PCDHGB5: variants seen among roughly 807,000 people sequenced by gnomAD.
PCDHGB5 encodes the protein protocadherin gamma-B5.
In PCDHGB5, 48 loss-of-function variants were observed where a neutral mutation model predicts 62.9. The observed-to-expected ratio is 0.76, with a 90% CI of 0.61 to 0.97. PCDHGB5 has a LOEUF of 0.97. PCDHGB5 is among the 50% of genes least tolerant of loss of function. PCDHGB5 has a pLI of 0.00. For synonymous variants in PCDHGB5, 474 were observed against 511.2 expected, an observed-to-expected ratio of 0.93 and a Z score of 0.98; for missense variants, 1,118 against 1,198.6, an observed-to-expected ratio of 0.93 and a Z score of 0.99.
intron 1 of PCDHGB5, chr5:141,409,494 C>G (rs755680835): frequency 6.2e-7 from 1 of 1,614,028 alleles, no homozygotes; most frequent in Non-Finnish European, 8.5e-7. Flanking sequence ...GGCAAGCCGC[C>G]TCTTTCTTCC....
intron 1 of PCDHGB5, chr5:141,404,243 C>A: frequency 6.2e-7 from 1 of 1,613,810 alleles, no homozygotes; most frequent in Non-Finnish European, 8.5e-7. Flanking sequence ...AGGAACTCCG[C>A]CCCTGTCCAC....
chr5:141,462,268 A>C (rs982301403), intron 1 of PCDHGB5, among the ~76,000 whole-genome samples: 3 of 152,196 alleles, frequency 2.0e-5, no homozygotes, highest in African/African-American at 7.2e-5. Flanking sequence ...CCTAAAGTGT[A>C]TTGTTTAGTC....
chr5:141,505,259 C>A, intron 2 of PCDHGB5, 134 bp from the exon 3 acceptor site: 1 of 1,500,262 alleles, frequency 6.7e-7, no homozygotes, highest in Non-Finnish European at 8.9e-7. Context: ...GTGCCTCCTA[C>A]CTTGCTGAGA....
intron 1 of PCDHGB5, chr5:141,410,320 C>G (rs752279818): frequency 8.1e-6 from 13 of 1,613,880 alleles, no homozygotes; most frequent in African/African-American, 2.7e-5. Context: ...TCCTCCTCGC[C>G]GTGATTCTGG....
At chr5:141,407,615 A>T (rs780052436) in intron 1 of PCDHGB5, among the ~76,000 whole-genome samples, 2 of 152,140 alleles carry the variant, frequency 1.3e-5, no homozygotes, top group Non-Finnish European at 2.9e-5. Context: ...GCATTGGTTG[A>T]CATTCTATAT....
Position 141,477,704 on chromosome 5 carries a change from C to T in PCDHGB5, c.2398-17103C>T, listed in dbSNP as rs772195653. 30 of 1,613,968 alleles carry T rather than the reference C, an allele frequency of 1.9e-5. No homozygotes were observed. Among genetic ancestry groups the T allele is most frequent in the Admixed American group, 6.7e-5 (4 of 60,026 alleles). On this transcript the variant is annotated intron_variant, in intron 1 of 3. Transcript: ENST00000617380. This position sits in a 1 kb window ranked among gnomAD's most constrained non-coding sequence, Gnocchi z 4.9. Reference sequence around the variant, plus strand: ...CTTAGTGCCCCTAGACTATGAGGATCGGCGGGAATTTGAATTAACAGCTCA... The same window carrying T: ...CTTAGTGCCCCTAGACTATGAGGATTGGCGGGAATTTGAATTAACAGCTCA...
intron 1 of PCDHGB5, chr5:141,419,411 C>A (rs757881409): frequency 1.9e-6 from 3 of 1,613,462 alleles, no homozygotes; most frequent in Non-Finnish European, 2.5e-6. Context: ...GTTCGCGCAG[C>A]GCGCCTTCGA....
At chr5:141,480,511 A>G (rs2099520888) in intron 1 of PCDHGB5, among the ~76,000 whole-genome samples, 1 of 127,378 alleles carries the variant, frequency 7.9e-6, no homozygotes, top group African/African-American at 3.6e-5. Context: ...ATATGAGAAC[A>G]ACCAAAAATG....
chr5:141,464,263 TAAA>T (rs35224477), intron 1 of PCDHGB5, among the ~76,000 whole-genome samples: 2 of 103,604 alleles, frequency 1.9e-5, no homozygotes, highest in Non-Finnish European at 1.9e-5. Flanking sequence ...AGACTCCGTC[TAAA>T]AAAAAAAAAA....
intron 1 of PCDHGB5, among the ~76,000 whole-genome samples, chr5:141,446,777 CT>C (rs1480571336): frequency 6.6e-6 from 1 of 152,072 alleles, no homozygotes; most frequent in South Asian, 2.1e-4. Context: ...GGTTACCATT[CT>C]TTTACTCTGA....
chr5:141,445,991 T>C (rs532620580), intron 1 of PCDHGB5, among the ~76,000 whole-genome samples: 147 of 152,168 alleles, frequency 9.7e-4, no homozygotes, highest in Admixed American at 3.4e-3. Context: ...TAAATAGAAA[T>C]AGGAAGATAA....
At chr5:141,404,241 C>T (rs960579159) in intron 1 of PCDHGB5, 9 of 1,613,576 alleles carry the variant, frequency 5.6e-6, no homozygotes, top group African/African-American at 4.0e-5. Context: ...AGAGGAACTC[C>T]GCCCCTGTCC....
chr5:141,432,601 G>C lies in PCDHGB5; in HGVS notation c.2397+32077G>C. The C allele has an allele frequency of 6.2e-7, 1 of 1,613,952 alleles. No homozygotes were observed. The highest frequency in any genetic ancestry group is 8.5e-7 in the Non-Finnish European group (1 of 1,179,984). On this transcript the variant is annotated intron_variant, in intron 1 of 3. Coordinates refer to ENST00000617380, the MANE Select transcript of PCDHGB5 (RefSeq NM_018925.3). The surrounding 1 kb of genome is among the most constrained non-coding windows in gnomAD (Gnocchi z 6.0). ...ACCGTCTGCTCAAGGCCAGCGAGCC[G>C]GGACTCTTCTCGGTGGGTCTGCACA...
At position 141,476,689 on chromosome 5, in the gene PCDHGB5, C is replaced by A; in HGVS notation, c.2398-18118C>A. Reference sequence around the variant, plus strand: ...GCGTGCAGACGCGGGAGGACAGCACCAAGTACGCGGAGCTGGTGTTGGAGC... The same window carrying A: ...GCGTGCAGACGCGGGAGGACAGCACAAAGTACGCGGAGCTGGTGTTGGAGC... On this transcript the variant is annotated intron_variant, in intron 1 of 3. Transcript: ENST00000617380. The surrounding 1 kb of genome is among the most constrained non-coding windows in gnomAD (Gnocchi z 7.6). The A allele has an allele frequency of 1.9e-6, 3 of 1,614,226 alleles. No homozygotes were observed. Among genetic ancestry groups the A allele is most frequent in the Non-Finnish European group, 2.5e-6 (3 of 1,180,046 alleles).
chr5:141,401,235 A>G (rs1444346000), intron 1 of PCDHGB5, among the ~76,000 whole-genome samples: 1 of 152,120 alleles, frequency 6.6e-6, no homozygotes, highest in East Asian at 1.9e-4. Context: ...CCAGCTACTC[A>G]GGAGGCTAAG....
chr5:141,470,550 A>G (rs899475300), intron 1 of PCDHGB5, among the ~76,000 whole-genome samples: 1 of 152,120 alleles, frequency 6.6e-6, no homozygotes, highest in Non-Finnish European at 1.5e-5. Flanking sequence ...ATTTATTGAG[A>G]GTTTCCTCTG....
intron 1 of PCDHGB5, chr5:141,421,577 T>C (rs1385519860): frequency 1.4e-5 from 22 of 1,613,748 alleles, no homozygotes; most frequent in Non-Finnish European, 1.5e-5. Context: ...ACCTTGAAGA[T>C]TTACGGAGTG....
Position 141,431,698 on chromosome 5 carries a change from A to ATTC in PCDHGB5, c.2397+31176_2397+31178dup. 6.2e-7 allele frequency: 1 copy of ATTC among 1,614,222 alleles called. No homozygotes were observed. Among genetic ancestry groups the ATTC allele is most frequent in the Non-Finnish European group, 8.5e-7 (1 of 1,180,036 alleles). The stretch of plus-strand genomic sequence containing the variant: ...GGGAGTTGGACCACGAGGAGTCAGG[A>ATTC]TTCTACCAGATGGAAGTGCAAGCAA... On this transcript the variant is annotated intron_variant, in intron 1 of 3. Coordinates refer to ENST00000617380, the MANE Select transcript of PCDHGB5 (RefSeq NM_018925.3). This position sits in a 1 kb window ranked among gnomAD's most constrained non-coding sequence, Gnocchi z 4.8.
At position 141,487,577 on chromosome 5, in the gene PCDHGB5, C is replaced by T; in HGVS notation, c.2398-7230C>T. 1 of 1,614,150 alleles carries T rather than the reference C, an allele frequency of 6.2e-7. No homozygotes were observed. Among genetic ancestry groups the T allele is most frequent in the Non-Finnish European group, 8.5e-7 (1 of 1,180,024 alleles). On this transcript the variant is annotated intron_variant, in intron 1 of 3. Transcript: ENST00000617380. This position sits in a 1 kb window ranked among gnomAD's most constrained non-coding sequence, Gnocchi z 5.0. ...ACCTATGGCAGGGGAGCCTGTTCGCCCAAGCTGCCCACCCTCTGATCTTCT... is the reference window on the plus strand; with the variant it reads ...ACCTATGGCAGGGGAGCCTGTTCGCTCAAGCTGCCCACCCTCTGATCTTCT...
Sources: allele counts gnomAD v4.1 joint callset (sites outside exome capture counted in the v4.1 genomes callset), GRCh38; gene constraint gnomAD v4.1.1; non-coding constraint Gnocchi (gnomAD v3.1); transcripts MANE v1.5; gene names NCBI Gene and HGNC (gene_info 2026-07-23, HGNC 2026-07-21).